Variants in PSD3 observed in about 807,000 individuals in gnomAD.
PSD3 encodes pleckstrin and Sec7 domain containing 3.
In PSD3, 49 loss-of-function variants were observed where a neutral mutation model predicts 105.5. The observed-to-expected ratio is 0.46, with a 90% CI of 0.37 to 0.59. PSD3 has a LOEUF of 0.59. PSD3 is among the 20% of genes least tolerant of loss of function. PSD3 has a pLI of 0.00. For synonymous variants in PSD3, 557 were observed against 457.8 expected (o/e 1.22, Z -2.77); for missense variants, 1,561 against 1,263.8 (o/e 1.24, Z -3.57).
chr8:19,033,920 G>T (rs1044231013), intron 1 of PSD3, among the ~76,000 whole-genome samples: 2 of 152,078 alleles, frequency 1.3e-5, no homozygotes, highest in South Asian at 4.1e-4. Context: ...AATCTAGATT[G>T]GTTCATTGCC....
At chr8:18,642,090 G>A (rs954630786) in intron 10 of PSD3, among the ~76,000 whole-genome samples, 2 of 152,132 alleles carry the variant, frequency 1.3e-5, no homozygotes, top group Non-Finnish European at 2.9e-5. Flanking sequence ...TGCCAGATAT[G>A]AGAAAGATGT....
At chr8:18,732,689 A>G (rs2129431827) in intron 9 of PSD3, among the ~76,000 whole-genome samples, 1 of 152,296 alleles carries the variant, frequency 6.6e-6, no homozygotes, top group South Asian at 2.1e-4. Flanking sequence ...CAACAGCACC[A>G]CTTCTGCCAC....
At chr8:18,983,249 G>C (rs1324834251) in intron 1 of PSD3, among the ~76,000 whole-genome samples, 1 of 152,308 alleles carries the variant, frequency 6.6e-6, no homozygotes, top group East Asian at 1.9e-4. Context: ...TCTGAATTAG[G>C]TTTTGTTTTA....
chr8:18,762,274 T>C (rs1806603296), intron 9 of PSD3, among the ~76,000 whole-genome samples: 1 of 152,064 alleles, frequency 6.6e-6, no homozygotes, highest in Admixed American at 6.5e-5. Flanking sequence ...CCTTCCTTCC[T>C]CTCTTCCTCC....
intron 2 of PSD3, among the ~76,000 whole-genome samples, chr8:18,932,080 A>G (rs1253839314): frequency 2.0e-5 from 3 of 152,228 alleles, no homozygotes; most frequent in Non-Finnish European, 2.9e-5. Flanking sequence ...ACTTTAATAC[A>G]TAAGCGGTTT....
intron 2 of PSD3, among the ~76,000 whole-genome samples, chr8:18,923,068 G>A (rs112258704): frequency 1.4e-4 from 22 of 152,286 alleles, no homozygotes; most frequent in African/African-American, 5.1e-4. Context: ...GTTAGGGGAT[G>A]GGACTGAAAG....
intron 9 of PSD3, among the ~76,000 whole-genome samples, chr8:18,743,420 G>A (rs776559275): frequency 6.6e-6 from 1 of 152,056 alleles, no homozygotes; most frequent in Non-Finnish European, 1.5e-5. Context: ...GAAAATGTTC[G>A]AGCATGCTTA....
At chr8:18,890,716 G>C (rs1359208333) in intron 2 of PSD3, among the ~76,000 whole-genome samples, 3 of 151,466 alleles carry the variant, frequency 2.0e-5, no homozygotes, top group Admixed American at 6.6e-5. Flanking sequence ...CTTCACAGAT[G>C]AACAAAGTAG....
intron 1 of PSD3, among the ~76,000 whole-genome samples, chr8:19,023,177 C>T (rs1288225705): frequency 6.6e-6 from 1 of 152,178 alleles, no homozygotes; most frequent in Non-Finnish European, 1.5e-5. Context: ...CCACATCTAG[C>T]TCAATCATTT....
intron 1 of PSD3, among the ~76,000 whole-genome samples, chr8:18,962,165 G>A (rs570250030): frequency 1.3e-5 from 2 of 151,744 alleles, no homozygotes; most frequent in Non-Finnish European, 1.5e-5. Flanking sequence ...AGAATCTCTC[G>A]AATCTGGGAG....
At chr8:18,948,066 T>C (rs534595486) in intron 1 of PSD3, among the ~76,000 whole-genome samples, 1 of 152,176 alleles carries the variant, frequency 6.6e-6, no homozygotes, top group Non-Finnish European at 1.5e-5. Context: ...CACCATCTCA[T>C]AATCAGTAAT....
intron 1 of PSD3, among the ~76,000 whole-genome samples, chr8:19,034,571 G>A (rs983261661): frequency 1.1e-4 from 16 of 152,244 alleles, no homozygotes; most frequent in Non-Finnish European, 1.8e-4. Flanking sequence ...TGCATCACTC[G>A]CTAGGTACCA....
At chr8:18,943,577 T>TA (rs1822688025) in intron 1 of PSD3, among the ~76,000 whole-genome samples, 3 of 152,134 alleles carry the variant, frequency 2.0e-5, no homozygotes, top group African/African-American at 7.2e-5. Context: ...GGGAGCCTGG[T>TA]AAACTCTTGA....
At chr8:18,929,735 G>A (rs912431639) in intron 2 of PSD3, among the ~76,000 whole-genome samples, 3 of 152,066 alleles carry the variant, frequency 2.0e-5, no homozygotes, top group Non-Finnish European at 4.4e-5. Context: ...GACTAACGGT[G>A]GCTTTCAAAA....
intron 8 of PSD3, among the ~76,000 whole-genome samples, chr8:18,789,684 T>C (rs1219407738): frequency 6.6e-6 from 1 of 152,136 alleles, no homozygotes; most frequent in Non-Finnish European, 1.5e-5. Context: ...CACTGTCAAA[T>C]TACAAGGACT....
intron 2 of PSD3, among the ~76,000 whole-genome samples, chr8:18,920,510 T>C (rs745559615): frequency 2.6e-5 from 4 of 152,176 alleles, no homozygotes; most frequent in Non-Finnish European, 4.4e-5. Flanking sequence ...TACTTTGAAA[T>C]AGTAAACAAC....
At chr8:18,930,181 C>T (rs904259366) in intron 2 of PSD3, among the ~76,000 whole-genome samples, 41 of 152,146 alleles carry the variant, frequency 2.7e-4, no homozygotes, top group African/African-American at 9.6e-4. Context: ...CTTCCAGAAA[C>T]GTGAGTGGGT....
rs922171378 is a variant in PSD3 at position 18,531,073 on chromosome 8, C to T, written c.*4670G>A. 1 of 152,382 alleles carries T rather than the reference C, an allele frequency of 6.6e-6. No individual in the cohort carries two copies. Among genetic ancestry groups the T allele is most frequent in the Non-Finnish European group, 1.5e-5 (1 of 68,010 alleles). 9.4% of individuals were successfully genotyped at this position (152,382 alleles called of 1,614,324 possible). On this transcript the variant is annotated 3_prime_UTR_variant, in exon 16 of 16. Coordinates refer to ENST00000327040, the MANE Select transcript of PSD3 (RefSeq NM_015310.4). Reference sequence around the variant, plus strand: ...ATACAACTATAAATACCCACAAATACAACAATGGCAGGTGACAGCATTTTC... The same window carrying T: ...ATACAACTATAAATACCCACAAATATAACAATGGCAGGTGACAGCATTTTC...
intron 14 of PSD3, among the ~76,000 whole-genome samples, chr8:18,566,080 C>T (rs2634436): frequency 0.28 from 42,398 of 152,022 alleles, 6,064 homozygotes; most frequent in East Asian, 0.42. Flanking sequence ...TTGCTGGAGG[C>T]ACACTATGAC....
Sources: gnomAD v4.1 joint callset for allele counts (sites outside exome capture counted in the v4.1 genomes callset) on GRCh38, gnomAD v4.1.1 for gene constraint, MANE v1.5 for transcripts, NCBI Gene and HGNC (gene_info 2026-07-23, HGNC 2026-07-21) for gene names.